The following ATP10A variants were observed in gnomAD, a reference collection of about 807,000 sequenced individuals.
ATP10A encodes the protein phospholipid-transporting ATPase VA.
In ATP10A, 111 loss-of-function variants were observed where a neutral mutation model predicts 147.8. The observed-to-expected ratio is 0.75, with a 90% CI of 0.64 to 0.88. The LOEUF (loss-of-function observed/expected upper bound fraction) is 0.88, where lower values mean the gene tolerates loss of function less well. ATP10A is among the 40% of genes least tolerant of loss of function. The pLI is 0.00. For missense variants in ATP10A, 1,927 were observed against 1,959.0 expected (o/e 0.98, Z 0.31); for synonymous variants, 875 against 841.6 (o/e 1.04, Z -0.69).
At chr15:25,695,183 G>C in intron 13 of ATP10A, 37 bp from the exon 14 acceptor site, 1 of 1,542,890 alleles carries the variant, frequency 6.5e-7, no homozygotes, top group Non-Finnish European at 8.8e-7. Flanking sequence ...AGTTCCCTCA[G>C]AGTCATGCCA....
chr15:25,767,599 G>A (rs1214199795), intron 2 of ATP10A, among the ~76,000 whole-genome samples: 2 of 152,222 alleles, frequency 1.3e-5, no homozygotes, highest in Non-Finnish European at 2.9e-5. Flanking sequence ...TAGTGCAGAA[G>A]AGCCTGGAGC....
At chr15:25,729,437 G>A (rs759654751) in intron 3 of ATP10A, among the ~76,000 whole-genome samples, 31 of 152,150 alleles carry the variant, frequency 2.0e-4, no homozygotes, top group East Asian at 3.9e-4. Flanking sequence ...TGATTCAGGC[G>A]TCTGCATTTC....
At chr15:25,754,177 T>A (rs4906765) in intron 2 of ATP10A, among the ~76,000 whole-genome samples, 118,327 of 152,038 alleles carry the variant, frequency 0.78, 46,508 homozygotes, top group Non-Finnish European at 0.83. Context: ...CTCTGTCACC[T>A]GGCTGGAATG....
At chr15:25,734,183 C>A (rs1477002904) in intron 3 of ATP10A, among the ~76,000 whole-genome samples, 1 of 152,174 alleles carries the variant, frequency 6.6e-6, no homozygotes, top group Non-Finnish European at 1.5e-5. Context: ...CCCCTCTCGT[C>A]CACCCCAGCA....
rs1462980031 is a variant in ATP10A, at chr15:25,680,321, G to C, written c.3679-13C>G. On this transcript the variant is annotated splice_polypyrimidine_tract_variant and intron_variant, in intron 19 of 20. Coordinates refer to ENST00000555815, the MANE Select transcript of ATP10A (RefSeq NM_024490.4). ...AGTTGAGCCAGGTCTGAGGGGGAAT[G>C]AGAAAGAAAGGGCTTTTATTTCCAC... 11 of 1,610,804 alleles carry C rather than the reference G, an allele frequency of 6.8e-6. No individual in the cohort carries two copies. In the Admixed American group the frequency reaches 8.4e-5, roughly 12 times the overall value.
intron 12 of ATP10A, among the ~76,000 whole-genome samples, chr15:25,702,909 T>C (rs940743505): frequency 6.6e-6 from 1 of 152,106 alleles, no homozygotes; most frequent in Non-Finnish European, 1.5e-5. Flanking sequence ...GCTGGGATGC[T>C]GCTATGGACT....
At chr15:25,744,128 CATGGAACTTAATA>C (rs1887714958) in intron 2 of ATP10A, among the ~76,000 whole-genome samples, 1 of 152,116 alleles carries the variant, frequency 6.6e-6, no homozygotes, top group Non-Finnish European at 1.5e-5. Context: ...AGAGCTTCAA[CATGGAACTTAATA>C]CAACACGGTG....
intron 6 of ATP10A, among the ~76,000 whole-genome samples, chr15:25,723,636 GA>G (rs1567333776): frequency 6.6e-6 from 1 of 151,830 alleles, no homozygotes; most frequent in East Asian, 1.9e-4. Context: ...ACAACAAAAT[GA>G]AAACAGTGAC....
intron 2 of ATP10A, among the ~76,000 whole-genome samples, chr15:25,773,630 A>G (rs1889452135): frequency 1.3e-5 from 2 of 152,216 alleles, no homozygotes; most frequent in African/African-American, 4.8e-5. Context: ...ACTATATCTT[A>G]GCCCAGGAGG....
At chr15:25,740,608 C>T (rs1236895804) in intron 2 of ATP10A, among the ~76,000 whole-genome samples, 2 of 152,246 alleles carry the variant, frequency 1.3e-5, no homozygotes, top group East Asian at 1.9e-4. Flanking sequence ...ACTCCCAGGT[C>T]ACAAGGAGGG....
At chr15:25,697,853 A>G (rs1464530102) in intron 13 of ATP10A, among the ~76,000 whole-genome samples, 1 of 152,204 alleles carries the variant, frequency 6.6e-6, no homozygotes, top group Non-Finnish European at 1.5e-5. Context: ...TTGATAGGAT[A>G]TGATGAAAAT....
chr15:25,804,463 G>A (rs1374722051), intron 1 of ATP10A, among the ~76,000 whole-genome samples: 1 of 133,224 alleles, frequency 7.5e-6, no homozygotes, highest in Non-Finnish European at 1.6e-5. Context: ...CATGGTGTGT[G>A]TGTGGTGTAT....
chr15:25,749,706 T>C (rs1888046433), intron 2 of ATP10A, among the ~76,000 whole-genome samples: 1 of 152,156 alleles, frequency 6.6e-6, no homozygotes, highest in Non-Finnish European at 1.5e-5. Flanking sequence ...ATGTTAGAAT[T>C]TGTAGAAAAT....
chr15:25,721,764 C>T lies in ATP10A; in HGVS notation c.1256G>A (p.Gly419Glu), dbSNP rs1311951304. Residue 419 changes from glycine (G) to glutamate (E), a missense_variant, in exon 7 of 21, where the codon GGA (glycine) becomes GAA (glutamate). Coordinates refer to ENST00000555815, the MANE Select transcript of ATP10A (RefSeq NM_024490.4). ...CRALNITEDL[G>E]QIQYIFSDKT... ...ATCTGAGAAAATGTACTGTATCTGT[C>T]CTAAGTCTTCCGTGATGTTCAGAGC... The T allele has an allele frequency of 1.3e-5, 21 of 1,614,166 alleles. No homozygotes were observed. The highest frequency in any genetic ancestry group is 1.7e-5 in the Admixed American group (1 of 60,014).
chr15:25,788,765 C>G lies in ATP10A; in HGVS notation c.450-7542G>C, dbSNP rs545663224. Among the ~76,000 whole-genome samples, 10 of 152,282 alleles carry G rather than the reference C, an allele frequency of 6.6e-5. No homozygotes were observed. The South Asian group carries it at 2.1e-3, about 32-fold the overall frequency. On this transcript the variant is annotated intron_variant, in intron 1 of 20. Coordinates refer to ENST00000555815, the MANE Select transcript of ATP10A (RefSeq NM_024490.4). ...ATTTCCATGAAATGGAGAACACAGACAGTACTGCTTGAGGTGCGGTGGTAT... is the reference window on the plus strand; with the variant it reads ...ATTTCCATGAAATGGAGAACACAGAGAGTACTGCTTGAGGTGCGGTGGTAT...
downstream of ATP10A, chr15:25,677,308 T>A (rs1409447178): frequency 6.6e-6 from 1 of 152,214 alleles, no homozygotes; most frequent in Non-Finnish European, 1.5e-5. Flanking sequence ...TGGATTTCCA[T>A]AATACTCCCC....
intron 1 of ATP10A, among the ~76,000 whole-genome samples, chr15:25,858,168 C>G (rs11161242): frequency 0.51 from 76,910 of 152,130 alleles, 23,819 homozygotes; most frequent in Non-Finnish European, 0.67. Flanking sequence ...CGTCCAGTGC[C>G]CTAACCTACC....
chr15:25,858,634 A>G (rs1452434867), intron 1 of ATP10A, among the ~76,000 whole-genome samples: 2 of 152,162 alleles, frequency 1.3e-5, no homozygotes, highest in South Asian at 2.1e-4. Context: ...AATCAAAGTG[A>G]GGGGAAGAGA....
chr15:25,706,524 C>T (rs1260059643), intron 12 of ATP10A, among the ~76,000 whole-genome samples: 1 of 152,230 alleles, frequency 6.6e-6, no homozygotes, highest in African/African-American at 2.4e-5. Flanking sequence ...GACCAGCCCG[C>T]ATGACCAGCT....
Sources: allele counts gnomAD v4.1 joint callset (sites outside exome capture counted in the v4.1 genomes callset), GRCh38; gene constraint gnomAD v4.1.1; transcripts MANE v1.5; gene names NCBI Gene and HGNC (gene_info 2026-07-23, HGNC 2026-07-21).